Variants in SCAI observed in about 807,000 individuals in gnomAD.
SCAI encodes suppressor of cancer cell invasion, also known as protein SCAI.
SCAI carries 24 observed loss-of-function variants against 92.2 expected under a neutral mutation model. The ratio of observed to expected loss-of-function variants is 0.26; its 90% confidence interval spans 0.19 to 0.37. The LOEUF is 0.37. Among genes scored for constraint, SCAI ranks in the 10% least tolerant of loss-of-function variants. SCAI has a pLI of 1.00. For missense variants in SCAI, 450 were observed against 736.2 expected, an observed-to-expected ratio of 0.61 and a Z score of 4.50; for synonymous variants, 261 against 258.6, an observed-to-expected ratio of 1.01 and a Z score of -0.09.
intron 2 of SCAI, among the ~76,000 whole-genome samples, chr9:125,107,068 T>C (rs886567862): frequency 6.6e-6 from 1 of 151,890 alleles, no homozygotes; most frequent in Non-Finnish European, 1.5e-5. Flanking sequence ...AGATACATAT[T>C]CTACTAGGTT....
chr9:125,045,859 A>G (rs1833423898), intron 3 of SCAI, among the ~76,000 whole-genome samples: 1 of 152,080 alleles, frequency 6.6e-6, no homozygotes, highest in Non-Finnish European at 1.5e-5. Context: ...GGTTCTTAAC[A>G]TATCTTTTTA....
chr9:125,080,883 G>A (rs1834201016), intron 2 of SCAI, among the ~76,000 whole-genome samples: 1 of 152,182 alleles, frequency 6.6e-6, no homozygotes, highest in African/African-American at 2.4e-5. Context: ...CCAGTGGAAG[G>A]TAAATGAATC....
intron 3 of SCAI, among the ~76,000 whole-genome samples, chr9:125,048,585 GAGGGGAAGA>G (rs1833494140): frequency 6.6e-6 from 1 of 152,028 alleles, no homozygotes; most frequent in African/African-American, 2.4e-5. Flanking sequence ...AAGGGCAGGG[GAGGGGAAGA>G]AGGGGTCAAT....
Position 124,948,121 on chromosome 9 carries a change from A to G in SCAI, c.*4686T>C, listed in dbSNP as rs1442648992. 1.3e-5 allele frequency: 2 copies of G among 152,214 alleles called. No individual in the cohort carries two copies. The highest frequency in any genetic ancestry group is 2.4e-5 in the African/African-American group (1 of 41,458). The allele number at this position is 152,214 out of a possible 1,614,324, so 9.4% of individuals were successfully genotyped here. A position where few individuals can be genotyped will look rare whatever the true frequency, so the allele number is the denominator to read the frequency against. Reference sequence around the variant, plus strand: ...ATAAATCCGATTTGTCGCTTTTCCCATTATCCTGACTAAATCAGTATAATT... The same window carrying G: ...ATAAATCCGATTTGTCGCTTTTCCCGTTATCCTGACTAAATCAGTATAATT... On this transcript the variant is annotated 3_prime_UTR_variant, in exon 18 of 18. Coordinates refer to ENST00000336505, the MANE Select transcript of SCAI (RefSeq NM_001144877.3).
chr9:125,096,899 T>C (rs1444613924), intron 2 of SCAI, among the ~76,000 whole-genome samples: 2 of 152,244 alleles, frequency 1.3e-5, no homozygotes, highest in Non-Finnish European at 2.9e-5. Flanking sequence ...GACCACATCC[T>C]ATGACAGTAA....
chr9:125,108,817 GAGCC>G (rs774924820), intron 2 of SCAI, among the ~76,000 whole-genome samples: 16 of 151,642 alleles, frequency 1.1e-4, no homozygotes, highest in Admixed American at 5.3e-4. Flanking sequence ...GGGAAGTGAG[GAGCC>G]AGCCCCTCTG....
At chr9:125,074,914 G>T (rs1588200233) in intron 2 of SCAI, among the ~76,000 whole-genome samples, 1 of 152,040 alleles carries the variant, frequency 6.6e-6, no homozygotes, top group Non-Finnish European at 1.5e-5. Context: ...TGAGGCAGGA[G>T]AATCGCTTGA....
At chr9:125,068,093 C>T (rs1297380668) in intron 2 of SCAI, among the ~76,000 whole-genome samples, 4 of 152,148 alleles carry the variant, frequency 2.6e-5, no homozygotes, top group African/African-American at 9.7e-5. Flanking sequence ...GTGGAAAGGG[C>T]CTTGGTATAG....
At chr9:125,084,782 T>C (rs1409233526) in intron 2 of SCAI, among the ~76,000 whole-genome samples, 1 of 152,196 alleles carries the variant, frequency 6.6e-6, no homozygotes, top group Non-Finnish European at 1.5e-5. Flanking sequence ...GTAGATTCTA[T>C]AATGACATTT....
intron 3 of SCAI, among the ~76,000 whole-genome samples, chr9:125,042,858 C>CTTTTTTT (rs770118712): frequency 2.0e-5 from 1 of 50,994 alleles, no homozygotes; most frequent in African/African-American, 8.1e-5. Flanking sequence ...TGCTCCCTGG[C>CTTTTTTT]TTTTTTTTTT....
intron 17 of SCAI, chr9:124,968,943 G>GC: frequency 3.1e-6 from 1 of 325,560 alleles, no homozygotes; most frequent in Non-Finnish European, 5.6e-6. Context: ...TTTATTTTTT[G>GC]GAAAAAAAAA....
At chr9:125,079,641 A>G (rs899233839) in intron 2 of SCAI, among the ~76,000 whole-genome samples, 1 of 152,108 alleles carries the variant, frequency 6.6e-6, no homozygotes, top group African/African-American at 2.4e-5. Context: ...CCAGTCTTTG[A>G]GTCTGTAAAT....
At chr9:125,108,504 A>C (rs981838639) in intron 2 of SCAI, among the ~76,000 whole-genome samples, 34 of 149,478 alleles carry the variant, frequency 2.3e-4, no homozygotes, top group Non-Finnish European at 4.7e-4. Flanking sequence ...GGATGTGAGG[A>C]GCGTCTCTGC....
chr9:125,006,914 T>C (rs1296007364), intron 9 of SCAI, among the ~76,000 whole-genome samples: 1 of 149,242 alleles, frequency 6.7e-6, no homozygotes, highest in Non-Finnish European at 1.5e-5. Context: ...AGGTCAGGAG[T>C]TTGAGACGAG....
At chr9:124,963,071 T>C (rs2131580308) in intron 17 of SCAI, among the ~76,000 whole-genome samples, 1 of 151,474 alleles carries the variant, frequency 6.6e-6, no homozygotes, top group African/African-American at 2.4e-5. Flanking sequence ...AGTGCTGGGA[T>C]TACAGGCGTG....
chr9:125,045,604 G>A (rs2131117752), intron 3 of SCAI, among the ~76,000 whole-genome samples: 1 of 152,240 alleles, frequency 6.6e-6, no homozygotes, highest in Admixed American at 6.5e-5. Context: ...CCAAAGTGCT[G>A]GAATTACAGG....
At chr9:125,104,628 G>C (rs1007674955) in intron 2 of SCAI, among the ~76,000 whole-genome samples, 1 of 148,442 alleles carries the variant, frequency 6.7e-6, no homozygotes, top group Non-Finnish European at 1.5e-5. Context: ...AAAAAGGCCA[G>C]TGCAGTGGCT....
intron 2 of SCAI, among the ~76,000 whole-genome samples, chr9:125,083,496 C>T (rs1017070970): frequency 3.0e-4 from 42 of 140,646 alleles, no homozygotes; most frequent in Non-Finnish European, 4.2e-4. Flanking sequence ...CCAGCCTATG[C>T]GACACAGTGA....
At chr9:125,006,117 A>C (rs1384852359) in intron 9 of SCAI, among the ~76,000 whole-genome samples, 3 of 152,240 alleles carry the variant, frequency 2.0e-5, no homozygotes, top group Admixed American at 6.5e-5. Flanking sequence ...TCTAGCTGAC[A>C]GAATTACATC....
Sources: gnomAD v4.1 joint callset for allele counts (sites outside exome capture counted in the v4.1 genomes callset) on GRCh38, gnomAD v4.1.1 for gene constraint, MANE v1.5 for transcripts, NCBI Gene and HGNC (gene_info 2026-07-23, HGNC 2026-07-21) for gene names.